DGKI: variants seen among roughly 807,000 people sequenced by gnomAD.
DGKI encodes the protein DAG kinase iota.
Under a neutral mutation model 147.5 loss-of-function variants are expected in DGKI, and 55 were observed. The observed-to-expected ratio is 0.37, with a 90% CI of 0.30 to 0.47. The LOEUF is 0.47. Ranked by LOEUF, DGKI falls within the 20% of genes least tolerant of loss-of-function variation. The pLI is 1.00. For synonymous variants in DGKI, 469 were observed against 477.1 expected (o/e 0.98, Z 0.22); for missense variants, 1,007 against 1,323.8 (o/e 0.76, Z 3.71).
chr7:137,774,479 G>T (rs1431972476), intron 1 of DGKI: 2 of 152,140 alleles, frequency 1.3e-5, no homozygotes. Context: ...TTACGTGAAT[G>T]AGGATAATAA....
At chr7:137,504,992 G>T (rs941395689) in intron 21 of DGKI, among the ~76,000 whole-genome samples, 2 of 151,808 alleles carry the variant, frequency 1.3e-5, no homozygotes, top group Admixed American at 6.6e-5. Flanking sequence ...ATAAAAGACT[G>T]GTATCCCATC....
intron 8 of DGKI, among the ~76,000 whole-genome samples, chr7:137,611,862 C>A (rs1446465518): frequency 6.6e-6 from 1 of 152,170 alleles, no homozygotes; most frequent in African/African-American, 2.4e-5. Flanking sequence ...CTGAGCCTCT[C>A]CTGATTTGGG....
At chr7:137,662,865 C>T (rs1822494587) in intron 3 of DGKI, among the ~76,000 whole-genome samples, 1 of 152,194 alleles carries the variant, frequency 6.6e-6, no homozygotes, top group Admixed American at 6.5e-5. Context: ...CCCCAACAAC[C>T]AACACCCTTG....
chr7:137,832,887 A>G (rs993272935), intron 1 of DGKI, among the ~76,000 whole-genome samples: 1 of 152,124 alleles, frequency 6.6e-6, no homozygotes, highest in African/African-American at 2.4e-5. Context: ...AGATACCACA[A>G]ATCATCTCTC....
At chr7:137,713,196 T>C (rs550716645) in intron 1 of DGKI, among the ~76,000 whole-genome samples, 3 of 152,336 alleles carry the variant, frequency 2.0e-5, no homozygotes, top group Admixed American at 6.5e-5. Context: ...ATGATTCACC[T>C]GTCATTGATA....
intron 15 of DGKI, among the ~76,000 whole-genome samples, chr7:137,579,390 A>C (rs1273346182): frequency 6.6e-6 from 1 of 151,314 alleles, no homozygotes; most frequent in African/African-American, 2.4e-5. Context: ...AGATTTCTTG[A>C]CTAACTAGTT....
At chr7:137,778,451 T>C (rs1796426386) in intron 1 of DGKI, among the ~76,000 whole-genome samples, 1 of 152,144 alleles carries the variant, frequency 6.6e-6, no homozygotes, top group Admixed American at 6.5e-5. Flanking sequence ...TTTGCTTTTT[T>C]GAAAGATTAC....
chr7:137,536,091 A>G (rs1056942141), intron 20 of DGKI, among the ~76,000 whole-genome samples: 8 of 148,256 alleles, frequency 5.4e-5, no homozygotes, highest in Non-Finnish European at 1.2e-4. Flanking sequence ...AAGTTTATAT[A>G]ATATGATTGG....
intron 29 of DGKI, 79 bp from the exon 30 acceptor site, chr7:137,408,074 G>C: frequency 8.2e-5 from 125 of 1,526,104 alleles, no homozygotes; most frequent in Non-Finnish European, 1.0e-4. Flanking sequence ...TAAAATGAGA[G>C]TCATGTAGCA....
intron 1 of DGKI, among the ~76,000 whole-genome samples, chr7:137,769,043 C>CA (rs1341913596): frequency 6.6e-6 from 1 of 152,044 alleles, no homozygotes; most frequent in African/African-American, 2.4e-5. Flanking sequence ...TTTGTCTTCT[C>CA]AAAAAATAGA....
At chr7:137,803,036 T>G (rs1369044700) in intron 1 of DGKI, among the ~76,000 whole-genome samples, 1 of 152,098 alleles carries the variant, frequency 6.6e-6, no homozygotes, top group Non-Finnish European at 1.5e-5. Context: ...TATGCAAATA[T>G]TAACACTACA....
chr7:137,749,744 C>A lies in DGKI; in HGVS notation c.402-59742G>T, dbSNP rs139340294. ...GTTTAATCAAAATTCAATTCTGATTCCTCATTGGTTCACATGAGGTCTATG... is the reference window on the plus strand; with the variant it reads ...GTTTAATCAAAATTCAATTCTGATTACTCATTGGTTCACATGAGGTCTATG... On this transcript the variant is annotated intron_variant, in intron 1 of 32. Coordinates refer to ENST00000614521, the MANE Select transcript of DGKI (RefSeq NM_001321708.2). 2.3e-3 allele frequency among the ~76,000 whole-genome samples: 347 copies of A among 152,138 alleles called. 3 individuals carry two copies. The highest frequency in any genetic ancestry group is 4.0e-3 in the Non-Finnish European group (273 of 68,002).
chr7:137,429,391 C>A (rs1212629209), intron 28 of DGKI, among the ~76,000 whole-genome samples: 2 of 152,060 alleles, frequency 1.3e-5, no homozygotes, highest in South Asian at 2.1e-4. Flanking sequence ...ACACCTTATA[C>A]AAAAATTAAT....
intron 30 of DGKI, among the ~76,000 whole-genome samples, chr7:137,398,341 A>G (rs1212661489): frequency 2.6e-5 from 4 of 152,220 alleles, no homozygotes; most frequent in African/African-American, 9.6e-5. Context: ...CCCTATAACT[A>G]GACTCCAGAA....
chr7:137,723,553 G>A (rs573115930), intron 1 of DGKI, among the ~76,000 whole-genome samples: 10 of 152,190 alleles, frequency 6.6e-5, no homozygotes, highest in South Asian at 4.2e-4. Flanking sequence ...CAATGCCCCC[G>A]CTTGAGATAG....
At chr7:137,448,909 C>T (rs1024306127) in intron 27 of DGKI, among the ~76,000 whole-genome samples, 6 of 151,292 alleles carry the variant, frequency 4.0e-5, no homozygotes, top group Admixed American at 1.3e-4. Context: ...GTGGTACCAC[C>T]GCACTAGGAA....
rs1373172684 is a variant in DGKI at position 137,390,278 on chromosome 7, G to C, written c.*942C>G. ...GAGTGCTCCATTTCCTGTAACCACA[G>C]TTCCCACACAGGATTATTTGCTCTG... On this transcript the variant is annotated 3_prime_UTR_variant, in exon 33 of 33. Transcript: ENST00000614521. The C allele has an allele frequency of 6.6e-6, 1 of 152,510 alleles. No individual in the cohort carries two copies. Among genetic ancestry groups the C allele is most frequent in the African/African-American group, 2.4e-5 (1 of 41,420 alleles). The allele number at this position is 152,510 out of a possible 1,614,324, so 9.4% of individuals were successfully genotyped here.
At chr7:137,433,479 G>C (rs1178674415) in intron 28 of DGKI, among the ~76,000 whole-genome samples, 1 of 152,134 alleles carries the variant, frequency 6.6e-6, no homozygotes, top group Admixed American at 6.5e-5. Flanking sequence ...GGGATTTCTA[G>C]TCAAATTAAA....
intron 1 of DGKI, among the ~76,000 whole-genome samples, chr7:137,809,926 TA>T (rs909045172): frequency 4.0e-5 from 6 of 150,294 alleles, no homozygotes; most frequent in African/African-American, 7.3e-5. Context: ...CCACATAAGT[TA>T]AAAAAAAAGG....
Sources: gnomAD v4.1 joint callset for allele counts (sites outside exome capture counted in the v4.1 genomes callset) on GRCh38, gnomAD v4.1.1 for gene constraint, MANE v1.5 for transcripts, NCBI Gene and HGNC (gene_info 2026-07-23, HGNC 2026-07-21) for gene names.